Variants in NETO1 observed in about 807,000 individuals in gnomAD.
The protein encoded by NETO1 is neuropilin and tolloid like 1.
Under a neutral mutation model 61.3 loss-of-function variants are expected in NETO1, and 26 were observed. The ratio of observed to expected loss-of-function variants is 0.42; its 90% CI spans 0.31 to 0.59. The LOEUF is 0.59. Among genes scored for constraint, NETO1 ranks in the 20% least tolerant of loss-of-function variants. The pLI is 0.12. For synonymous variants in NETO1, 225 were observed against 225.8 expected (o/e 1.00, Z 0.03); for missense variants, 531 against 662.8 (o/e 0.80, Z 2.18).
intron 7 of NETO1, among the ~76,000 whole-genome samples, chr18:72,772,793 T>TCTCTCTCTCTCTCTCTCTCTCTC (rs1391807702): frequency 1.7e-5 from 1 of 58,958 alleles, no homozygotes; most frequent in Admixed American, 1.6e-4. Flanking sequence ...CTCTATATAG[T>TCTCTCTCTCTCTCTCTCTCTCTC]TCTCTCTCTC....
chr18:72,812,247 T>C (rs915847156), intron 4 of NETO1, among the ~76,000 whole-genome samples: 9 of 152,222 alleles, frequency 5.9e-5, no homozygotes, highest in African/African-American at 1.9e-4. Flanking sequence ...GAGTCAGTAC[T>C]TGAACACAGT....
Position 72,762,164 on chromosome 18 carries a change from CTT to C in NETO1, c.869-6019_869-6018del, listed in dbSNP as rs36062589. Among the ~76,000 whole-genome samples the C allele has an allele frequency of 1.6e-3, 237 of 147,618 alleles. 1 individual carries two copies. The highest frequency in any genetic ancestry group is 4.7e-3 in the African/African-American group (190 of 40,118). On this transcript the variant is annotated intron_variant, in intron 7 of 10. Transcript: ENST00000327305. ...AAGTTGGGTAAAAAATTAGAATACA[CTT>C]TTTTTTTTTTTGAGGCTGATTTTCG...
At chr18:72,772,872 TCAGTTTC>T (rs2071423845) in intron 7 of NETO1, among the ~76,000 whole-genome samples, 1 of 121,604 alleles carries the variant, frequency 8.2e-6, no homozygotes, top group African/African-American at 3.0e-5. Context: ...TATATATATA[TCAGTTTC>T]ATCAGATTGA....
At chr18:72,761,229 C>A (rs370564334) in intron 7 of NETO1, among the ~76,000 whole-genome samples, 3 of 152,114 alleles carry the variant, frequency 2.0e-5, no homozygotes, top group Non-Finnish European at 4.4e-5. Context: ...CACGAGAATG[C>A]ATATTTGAAA....
chr18:72,847,331 G>A (rs1182955128), intron 4 of NETO1, among the ~76,000 whole-genome samples: 2 of 152,196 alleles, frequency 1.3e-5, no homozygotes, highest in Non-Finnish European at 2.9e-5. Context: ...GCTGGAAAGG[G>A]AAAATGCCAT....
At chr18:72,858,561 TA>T (rs2074472838) in intron 4 of NETO1, among the ~76,000 whole-genome samples, 2 of 152,190 alleles carry the variant, frequency 1.3e-5, no homozygotes, top group African/African-American at 4.8e-5. Flanking sequence ...CATTCCATCA[TA>T]ACAAAAGTCC....
At chr18:72,755,697 C>T (rs1441669628) in intron 8 of NETO1, among the ~76,000 whole-genome samples, 6 of 151,968 alleles carry the variant, frequency 3.9e-5, no homozygotes, top group Non-Finnish European at 5.9e-5. Context: ...ATGAATGAGA[C>T]GTGTAGCCAC....
intron 6 of NETO1, among the ~76,000 whole-genome samples, chr18:72,787,821 G>T (rs1237275313): frequency 6.6e-6 from 1 of 152,124 alleles, no homozygotes; most frequent in African/African-American, 2.4e-5. Context: ...GCTTTTAAAT[G>T]CTCACAGAGT....
At chr18:72,800,941 T>TTA (rs2072486083) in intron 4 of NETO1, among the ~76,000 whole-genome samples, 1 of 151,182 alleles carries the variant, frequency 6.6e-6, no homozygotes, top group Non-Finnish European at 1.5e-5. Context: ...AGACACTCTA[T>TTA]TAGAGAGCAG....
chr18:72,852,488 T>G (rs2145586948), intron 4 of NETO1, among the ~76,000 whole-genome samples: 1 of 152,346 alleles, frequency 6.6e-6, no homozygotes, highest in East Asian at 1.9e-4. Flanking sequence ...GTGCCGGGAT[T>G]ACAGGCGTGA....
chr18:72,845,495 A>T (rs186904188), intron 4 of NETO1, among the ~76,000 whole-genome samples: 122 of 152,278 alleles, frequency 8.0e-4, no homozygotes, highest in Non-Finnish European at 1.4e-3. Flanking sequence ...ATCTAAGTTT[A>T]TACAAATATG....
rs763534102 is a variant in NETO1, at chr18:72,805,356, G to T, written c.470-10952C>A. On this transcript the variant is annotated intron_variant, in intron 4 of 10. Coordinates refer to ENST00000327305, the MANE Select transcript of NETO1 (RefSeq NM_138966.5). ...CTCAAATATTCTACACAAATGAAAA[G>T]AATACAAGTTTGAAATATATCTACG... is the stretch of plus-strand genomic sequence containing the variant. Among the ~76,000 whole-genome samples, 44 of 152,186 alleles carry T rather than the reference G, an allele frequency of 2.9e-4. No individual in the cohort carries two copies. The Middle Eastern group carries it at 0.014, about 47-fold the overall frequency.
intron 7 of NETO1, among the ~76,000 whole-genome samples, chr18:72,775,824 G>A (rs908895137): frequency 1.3e-5 from 2 of 152,050 alleles, no homozygotes; most frequent in East Asian, 1.9e-4. Flanking sequence ...AGTATGTGTG[G>A]GGAAAGTCAA....
At position 72,803,486 on chromosome 18, in the gene NETO1, T is replaced by G. The variant is rs2072572842; in HGVS notation, c.470-9082A>C. 2.0e-5 allele frequency among the ~76,000 whole-genome samples: 3 copies of G among 152,268 alleles called. No individual in the cohort carries two copies. In the South Asian group the frequency reaches 6.2e-4, roughly 32 times the overall value. Reference sequence around the variant, plus strand: ...GAAGCTATCACTTGTTGAGCTTTGGTGTAGTACAAAAGAATAATCACCCCT... The same window carrying G: ...GAAGCTATCACTTGTTGAGCTTTGGGGTAGTACAAAAGAATAATCACCCCT... On this transcript the variant is annotated intron_variant, in intron 4 of 10. Transcript: ENST00000327305.
intron 4 of NETO1, chr18:72,835,372 G>C (rs2145426136): frequency 6.7e-7 from 1 of 1,484,428 alleles, no homozygotes; most frequent in Non-Finnish European, 9.3e-7. Flanking sequence ...ATATGATCAG[G>C]CATGAATTGT....
chr18:72,793,317 A>T (rs569514836), intron 6 of NETO1, among the ~76,000 whole-genome samples: 1 of 152,260 alleles, frequency 6.6e-6, no homozygotes, highest in Admixed American at 6.5e-5. Flanking sequence ...GACCTGTGAC[A>T]CCTGCTGGCA....
chr18:72,865,339 A>G (rs2074704122), intron 1 of NETO1, 98 bp from the exon 2 acceptor site: 1 of 1,238,776 alleles, frequency 8.1e-7, no homozygotes, highest in Non-Finnish European at 1.1e-6. Context: ...ATCAAAGCAG[A>G]TTAATTTTTT....
intron 4 of NETO1, among the ~76,000 whole-genome samples, chr18:72,805,951 C>T (rs1407209690): frequency 2.0e-5 from 3 of 152,114 alleles, no homozygotes; most frequent in South Asian, 2.1e-4. Flanking sequence ...TCAAGATCCA[C>T]GTAAGTAAAT....
rs1445339074 is a variant in NETO1, at chr18:72,867,676, G to T, written c.-385C>A. ...GAGGACGCGGCGCGCGGGAGGCGGC[G>T]GTCGCAGGGCGAGCCCCGGGACGCC... is the stretch of plus-strand genomic sequence containing the variant. On this transcript the variant is annotated 5_prime_UTR_variant, in exon 1 of 11. Coordinates refer to ENST00000327305, the MANE Select transcript of NETO1 (RefSeq NM_138966.5). 1 of 151,702 alleles carries T rather than the reference G, an allele frequency of 6.6e-6. No homozygotes were observed. Among genetic ancestry groups the T allele is most frequent in the African/African-American group, 2.4e-5 (1 of 41,182 alleles). The allele number at this position is 151,702 out of a possible 1,614,324, so 9.4% of individuals were successfully genotyped here.
Sources: gnomAD v4.1 joint callset for allele counts (sites outside exome capture counted in the v4.1 genomes callset) on GRCh38, gnomAD v4.1.1 for gene constraint, MANE v1.5 for transcripts, NCBI Gene and HGNC (gene_info 2026-07-23, HGNC 2026-07-21) for gene names.